Variants in BBOX1 observed in about 807,000 individuals in gnomAD.
The protein encoded by BBOX1 is gamma-butyrobetaine dioxygenase.
Under a neutral mutation model 41.6 loss-of-function variants are expected in BBOX1, and 35 were observed. That is an observed-to-expected ratio of 0.84 (90% CI 0.64 to 1.11). BBOX1 has a LOEUF of 1.11. Ranked by LOEUF, BBOX1 falls within the 50% of genes most tolerant of loss-of-function variation. BBOX1 has a pLI of 0.00. For missense variants in BBOX1, 458 were observed against 460.6 expected, an observed-to-expected ratio of 0.99 and a Z score of 0.05; for synonymous variants, 163 against 154.7, an observed-to-expected ratio of 1.05 and a Z score of -0.40.
chr11:27,071,953 C>T (rs1308106662), intron 4 of BBOX1, among the ~76,000 whole-genome samples: 1 of 152,098 alleles, frequency 6.6e-6, no homozygotes, highest in Non-Finnish European at 1.5e-5. Context: ...GACAAACCCA[C>T]AGCCAATATC....
At chr11:27,116,252 A>G (rs111384154) in intron 6 of BBOX1, among the ~76,000 whole-genome samples, 7,837 of 151,904 alleles carry the variant, frequency 0.052, 318 homozygotes, top group South Asian at 0.2. Context: ...GTTCTCGCCT[A>G]TAAGTGGGAG....
At chr11:27,064,696 C>T (rs1030959059) in intron 4 of BBOX1, among the ~76,000 whole-genome samples, 5 of 152,044 alleles carry the variant, frequency 3.3e-5, no homozygotes, top group South Asian at 2.1e-4. Flanking sequence ...ATCTATCCAA[C>T]GCTCATAGGT....
chr11:27,074,683 T>C (rs1158222108), intron 4 of BBOX1, among the ~76,000 whole-genome samples: 2 of 152,214 alleles, frequency 1.3e-5, no homozygotes, highest in Non-Finnish European at 2.9e-5. Flanking sequence ...CCTGGCTGTT[T>C]ATAAAAGTCT....
At position 27,103,294 on chromosome 11, in the gene BBOX1, A is replaced by G. The variant is rs565196643; in HGVS notation, c.533+9928A>G. Among the ~76,000 whole-genome samples, 7 of 152,190 alleles carry G rather than the reference A, an allele frequency of 4.6e-5. No individual in the cohort carries two copies. The East Asian group carries it at 1.2e-3, about 25-fold the overall frequency. On this transcript the variant is annotated intron_variant, in intron 5 of 8. Coordinates refer to ENST00000263182, the MANE Select transcript of BBOX1 (RefSeq NM_003986.3). The stretch of plus-strand genomic sequence containing the variant: ...CTTGATATTGATTGTTCTGGGACAG[A>G]TTTTTCTGGGAGGATATGATTTGTT...
At chr11:27,046,957 C>T (rs1251695541) in intron 2 of BBOX1, among the ~76,000 whole-genome samples, 1 of 151,716 alleles carries the variant, frequency 6.6e-6, no homozygotes, top group Non-Finnish European at 1.5e-5. Context: ...CCCAGTAGAC[C>T]TTTAAATAAT....
intron 5 of BBOX1, among the ~76,000 whole-genome samples, chr11:27,110,522 C>G (rs1319702987): frequency 6.6e-6 from 1 of 151,892 alleles, no homozygotes; most frequent in Non-Finnish European, 1.5e-5. Flanking sequence ...TAAACATACT[C>G]CGAACTCAAA....
At chr11:27,124,527 TA>T (rs1422579486) in intron 7 of BBOX1, among the ~76,000 whole-genome samples, 2 of 152,196 alleles carry the variant, frequency 1.3e-5, no homozygotes, top group Admixed American at 1.3e-4. Context: ...TTTATTAATT[TA>T]TTTTTTTGAG....
intron 2 of BBOX1, among the ~76,000 whole-genome samples, chr11:27,049,428 GT>G (rs1173002904): frequency 6.6e-6 from 1 of 151,556 alleles, no homozygotes; most frequent in Non-Finnish European, 1.5e-5. Context: ...ATTTTTTATT[GT>G]TTTAGAGGTA....
chr11:27,088,857 G>A (rs1231288756), intron 4 of BBOX1, among the ~76,000 whole-genome samples: 2 of 151,950 alleles, frequency 1.3e-5, no homozygotes, highest in East Asian at 3.9e-4. Context: ...TATATTTGCT[G>A]TGGAGATTAA....
intron 4 of BBOX1, among the ~76,000 whole-genome samples, chr11:27,082,193 C>A (rs985409757): frequency 6.6e-6 from 1 of 152,090 alleles, no homozygotes; most frequent in African/African-American, 2.4e-5. Context: ...CTGAGAATTA[C>A]AATTCAACAT....
chr11:27,070,645 G>T (rs1857414826), intron 4 of BBOX1, among the ~76,000 whole-genome samples: 1 of 149,062 alleles, frequency 6.7e-6, no homozygotes, highest in South Asian at 2.1e-4. Flanking sequence ...CCTTGAATTT[G>T]TATGAATCCT....
At chr11:27,122,703 T>A (rs926307005) in intron 7 of BBOX1, among the ~76,000 whole-genome samples, 6 of 152,226 alleles carry the variant, frequency 3.9e-5, no homozygotes, top group Non-Finnish European at 7.4e-5. Flanking sequence ...AAACATTGTA[T>A]CTATCAATGA....
chr11:27,055,313 C>A lies in BBOX1; in HGVS notation c.-38-80C>A, dbSNP rs1047168333. On this transcript the variant is annotated intron_variant, in intron 2 of 8. Transcript: ENST00000263182. Reference sequence around the variant, plus strand: ...TGAGTGAATAGCAGAGGCCAGAGTCCACTTGAAGTGTTCACACTCTCAGAG... The same window carrying A: ...TGAGTGAATAGCAGAGGCCAGAGTCAACTTGAAGTGTTCACACTCTCAGAG... The A allele has an allele frequency of 7.2e-5, 66 of 917,882 alleles. 2 individuals are homozygous for A. In the South Asian group the frequency reaches 1.0e-3, roughly 14 times the overall value. The allele number at this position is 917,882 out of a possible 1,614,324, so 56.9% of individuals were successfully genotyped here.
chr11:27,053,586 C>G (rs531019706), intron 2 of BBOX1, among the ~76,000 whole-genome samples: 1 of 152,170 alleles, frequency 6.6e-6, no homozygotes, highest in Non-Finnish European at 1.5e-5. Flanking sequence ...ATTTAAGGAT[C>G]TAGTTGTATT....
intron 2 of BBOX1, among the ~76,000 whole-genome samples, chr11:27,046,918 A>AT (rs71449139): frequency 4.7e-5 from 7 of 148,528 alleles, no homozygotes; most frequent in African/African-American, 1.2e-4. Flanking sequence ...ATGATCTGCA[A>AT]TTTTTTTTTT....
At chr11:27,125,913 A>G (rs1274252487) in intron 8 of BBOX1, 93 bp downstream of exon 8, 12 of 1,353,952 alleles carry the variant, frequency 8.9e-6, no homozygotes, top group South Asian at 6.0e-5. Flanking sequence ...TTTCTCAGGT[A>G]TGGCATGTAG....
chr11:27,105,466 T>C (rs1858832216), intron 5 of BBOX1, among the ~76,000 whole-genome samples: 1 of 152,030 alleles, frequency 6.6e-6, no homozygotes, highest in Admixed American at 6.6e-5. Context: ...CAGTTGCAAA[T>C]TCGATCAACT....
chr11:27,094,793 C>G (rs767264345), intron 5 of BBOX1, among the ~76,000 whole-genome samples: 1 of 151,838 alleles, frequency 6.6e-6, no homozygotes, highest in Non-Finnish European at 1.5e-5. Flanking sequence ...ACTCTGACTC[C>G]GAAACTTACA....
chr11:27,066,937 G>C (rs1857305830), intron 4 of BBOX1, among the ~76,000 whole-genome samples: 1 of 151,868 alleles, frequency 6.6e-6, no homozygotes, highest in Non-Finnish European at 1.5e-5. Context: ...TAAGAAAGTA[G>C]GGCACTGAAA....
Sources: gnomAD v4.1 joint callset for allele counts (sites outside exome capture counted in the v4.1 genomes callset) on GRCh38, gnomAD v4.1.1 for gene constraint, MANE v1.5 for transcripts, NCBI Gene and HGNC (gene_info 2026-07-23, HGNC 2026-07-21) for gene names.